The following KMT2C variants were observed in gnomAD, a reference collection of about 807,000 sequenced individuals.
KMT2C encodes the protein lysine methyltransferase 2C.
Under a neutral mutation model 507.9 loss-of-function variants are expected in KMT2C, and 88 were observed. That is an observed-to-expected ratio of 0.17 (90% CI 0.15 to 0.21). The LOEUF (loss-of-function observed/expected upper bound fraction) is 0.21. Among genes scored for constraint, KMT2C ranks in the 10% least tolerant of loss-of-function variants. The pLI is 1.00. For missense variants in KMT2C, 4,954 were observed against 5,957.8 expected (o/e 0.83, Z 5.55); for synonymous variants, 2,049 against 2,080.8 (o/e 0.98, Z 0.42).
At chr7:152,412,099 C>G (rs1335346038) in intron 1 of KMT2C, among the ~76,000 whole-genome samples, 6 of 152,250 alleles carry the variant, frequency 3.9e-5, no homozygotes, top group East Asian at 1.9e-4. Context: ...TTAAACAAGT[C>G]TAATGAAGAT....
chr7:152,151,251 C>G (rs1473182863), intron 50 of KMT2C, among the ~76,000 whole-genome samples, 191 bp downstream of exon 50: 1 of 152,148 alleles, frequency 6.6e-6, no homozygotes, highest in African/African-American at 2.4e-5. Context: ...TCATAATATT[C>G]CCTTTAACAG....
chr7:152,240,772 T>G (rs2095367932), intron 14 of KMT2C, among the ~76,000 whole-genome samples: 1 of 152,188 alleles, frequency 6.6e-6, no homozygotes, highest in Admixed American at 6.5e-5. Flanking sequence ...ACTTTTTATC[T>G]TCAAGTTTTG....
chr7:152,172,433 T>A (rs2093004528), intron 39 of KMT2C, among the ~76,000 whole-genome samples: 1 of 152,204 alleles, frequency 6.6e-6, no homozygotes, highest in African/African-American at 2.4e-5. Context: ...CAGTGGCTCA[T>A]GCCTGTAATT....
At chr7:152,253,514 C>CAAAAAAAAAAAAAAAAAAAAAAAAA (rs71198770) in intron 9 of KMT2C, among the ~76,000 whole-genome samples, 3 of 39,516 alleles carry the variant, frequency 7.6e-5, no homozygotes, top group African/African-American at 2.3e-4. Context: ...TCTTTCTCTA[C>CAAAAAAAAAAAAAAAAAAAAAAAAA]AAAAAAAAAA....
intron 2 of KMT2C, among the ~76,000 whole-genome samples, chr7:152,343,258 G>A (rs990768446): frequency 2.0e-5 from 3 of 152,060 alleles, no homozygotes; most frequent in Non-Finnish European, 4.4e-5. Flanking sequence ...GCAAGAAGAC[G>A]TGGGCAATGT....
intron 9 of KMT2C, among the ~76,000 whole-genome samples, chr7:152,255,127 A>ATATATATATG (rs1554583806): frequency 1.6e-5 from 2 of 126,658 alleles, no homozygotes; most frequent in Non-Finnish European, 3.3e-5. Context: ...ATATATATAT[A>ATATATATATG]TATATATATA....
intron 48 of KMT2C, among the ~76,000 whole-genome samples, chr7:152,153,653 G>A (rs1178952317): frequency 6.6e-6 from 1 of 150,768 alleles, no homozygotes; most frequent in East Asian, 2.0e-4. Flanking sequence ...CTTGAGCCCA[G>A]TAAGTTTGAG....
At chr7:152,380,007 C>A in intron 1 of KMT2C, among the ~76,000 whole-genome samples, 1 of 148,930 alleles carries the variant, frequency 6.7e-6, no homozygotes, top group Non-Finnish European at 1.5e-5. Context: ...CCGAGGCAGG[C>A]GGATTGCCTG....
At chr7:152,255,057 C>T (rs2095622266) in intron 9 of KMT2C, among the ~76,000 whole-genome samples, 1 of 142,846 alleles carries the variant, frequency 7.0e-6, no homozygotes, top group Admixed American at 7.1e-5. Flanking sequence ...GTAAAGACAT[C>T]CCTTGTTCTT....
chr7:152,313,614 T>C (rs999550022), intron 4 of KMT2C, among the ~76,000 whole-genome samples: 1 of 152,164 alleles, frequency 6.6e-6, no homozygotes, highest in African/African-American at 2.4e-5. Flanking sequence ...AAAACCTTTG[T>C]AAAATTGTTT....
intron 3 of KMT2C, among the ~76,000 whole-genome samples, chr7:152,324,026 G>A (rs190990947): frequency 5.9e-4 from 89 of 151,856 alleles, no homozygotes; most frequent in Admixed American, 5.4e-3. Flanking sequence ...CCAGACACTC[G>A]GAGAAGGTAA....
Position 152,324,595 on chromosome 7 carries a change from A to G in KMT2C, c.389+6006T>C, listed in dbSNP as rs1171374136. Among the ~76,000 whole-genome samples the G allele has an allele frequency of 2.0e-5, 3 of 152,084 alleles. No individual in the cohort carries two copies. The East Asian group carries it at 5.8e-4, about 29-fold the overall frequency. ...GAAAAAAATTTGGAAGTGGGGAGCA[A>G]ATTTATGGAATACATATTCCAAGAA... On this transcript the variant is annotated intron_variant, in intron 3 of 58. Coordinates refer to ENST00000262189, the MANE Select transcript of KMT2C (RefSeq NM_170606.3).
At chr7:152,317,103 A>G (rs2096729260) in intron 3 of KMT2C, among the ~76,000 whole-genome samples, 1 of 152,232 alleles carries the variant, frequency 6.6e-6, no homozygotes, top group African/African-American at 2.4e-5. Flanking sequence ...AAGCTATTGC[A>G]GAAAAATACC....
At chr7:152,198,584 G>C (rs915671150) in intron 27 of KMT2C, among the ~76,000 whole-genome samples, 2 of 152,154 alleles carry the variant, frequency 1.3e-5, no homozygotes, top group Admixed American at 1.3e-4. Context: ...AACTCCTAGA[G>C]CCTTGCTGAC....
intron 2 of KMT2C, among the ~76,000 whole-genome samples, chr7:152,347,021 G>A (rs1281311766): frequency 3.3e-5 from 5 of 152,186 alleles, no homozygotes; most frequent in African/African-American, 9.7e-5. Context: ...CAGCTCAGGA[G>A]GCTGAGGCAG....
chr7:152,379,025 C>T (rs2097350074), intron 1 of KMT2C, among the ~76,000 whole-genome samples: 1 of 152,222 alleles, frequency 6.6e-6, no homozygotes, highest in Non-Finnish European at 1.5e-5. Context: ...AGCCCTCTCT[C>T]CTTCAACAGC....
At chr7:152,302,608 A>T (rs1012401138) in intron 6 of KMT2C, among the ~76,000 whole-genome samples, 1 of 152,092 alleles carries the variant, frequency 6.6e-6, no homozygotes, top group East Asian at 1.9e-4. Flanking sequence ...CTGGGAATAG[A>T]AGAGAAAGGA....
Position 152,182,193 on chromosome 7 carries a change from T to C in KMT2C, c.5667A>G (p.Ser1889=). The change falls in exon 36 of 59, where the codon TCA becomes TCG. Residue 1889 remains serine (S), a synonymous_variant. Coordinates refer to ENST00000262189, the MANE Select transcript of KMT2C (RefSeq NM_170606.3). ...ATGGATCCATTGGAGATGGTGGTCGTGAGTTAGAGGACCCAGGTGAAAACA... is the reference window on the plus strand; with the variant it reads ...ATGGATCCATTGGAGATGGTGGTCGCGAGTTAGAGGACCCAGGTGAAAACA... The part of the protein sequence containing the change: ...PQVFSPGSSN[S]RPPSPMDPYA... 3.7e-6 allele frequency: 6 copies of C among 1,613,984 alleles called. No individual in the cohort carries two copies. The highest frequency in any genetic ancestry group is 5.1e-6 in the Non-Finnish European group (6 of 1,180,000).
chr7:152,416,869 G>A (rs1439113757), intron 1 of KMT2C, among the ~76,000 whole-genome samples: 2 of 150,728 alleles, frequency 1.3e-5, no homozygotes, highest in Non-Finnish European at 3.0e-5. Context: ...TGGCCAACAT[G>A]GTAAACCTTG....
Sources: gnomAD v4.1 joint callset for allele counts (sites outside exome capture counted in the v4.1 genomes callset) on GRCh38, gnomAD v4.1.1 for gene constraint, MANE v1.5 for transcripts, NCBI Gene and HGNC (gene_info 2026-07-23, HGNC 2026-07-21) for gene names.